UBE3D: variants seen among roughly 807,000 people sequenced by gnomAD.
UBE3D encodes E3 ubiquitin-protein ligase E3D.
UBE3D carries 48 observed loss-of-function variants against 49.6 expected under a neutral mutation model. That is an observed-to-expected ratio of 0.97 (90% CI 0.77 to 1.23). The LOEUF is 1.23. Ranked by LOEUF, UBE3D falls within the 50% of genes most tolerant of loss-of-function variation. The pLI is 0.00. For missense variants in UBE3D, 452 were observed against 468.4 expected, an observed-to-expected ratio of 0.96 and a Z score of 0.32; for synonymous variants, 189 against 174.2, an observed-to-expected ratio of 1.08 and a Z score of -0.67.
At chr6:82,887,602 G>A (rs1486889661), downstream of UBE3D, among the ~76,000 whole-genome samples, 2 of 151,302 alleles carry the variant, frequency 1.3e-5, no homozygotes, top group South Asian at 2.1e-4. Flanking sequence ...CCAGCTACTC[G>A]GGAGGCTGAG....
intron 1 of UBE3D, 71 bp downstream of exon 1, chr6:83,065,571 A>G: frequency 7.0e-7 from 1 of 1,433,682 alleles, no homozygotes; most frequent in Non-Finnish European, 9.7e-7. Context: ...ACAGAGAGAG[A>G]CTCACCAGCC....
intron 9 of UBE3D, among the ~76,000 whole-genome samples, chr6:82,910,024 C>T (rs1408665216): frequency 6.6e-6 from 1 of 152,184 alleles, no homozygotes; most frequent in African/African-American, 2.4e-5. Flanking sequence ...ATCGATTAAA[C>T]ACTTGAATTT....
At chr6:82,993,912 T>A (rs1312002001) in intron 8 of UBE3D, among the ~76,000 whole-genome samples, 1 of 152,244 alleles carries the variant, frequency 6.6e-6, no homozygotes, top group African/African-American at 2.4e-5. Context: ...ACACATTGTA[T>A]GTTTGCCAAT....
At position 82,976,397 on chromosome 6, in the gene UBE3D, C is replaced by T. The variant is rs183280061; in HGVS notation, c.1011-18947G>A. On this transcript the variant is annotated intron_variant, in intron 8 of 9. Coordinates refer to ENST00000369747, the MANE Select transcript of UBE3D (RefSeq NM_198920.3). The stretch of plus-strand genomic sequence containing the variant: ...TTCCTGACAGTGGCTAGCAACTCAA[C>T]TGTTAAAACAGCTGCTCATGCTGAA... Among the ~76,000 whole-genome samples the T allele has an allele frequency of 2.3e-3, 350 of 152,310 alleles. 2 individuals are homozygous for T. Among genetic ancestry groups the T allele is most frequent in the Non-Finnish European group, 3.9e-3 (268 of 68,032 alleles).
intron 8 of UBE3D, among the ~76,000 whole-genome samples, chr6:83,014,184 A>C (rs1426677586): frequency 6.6e-6 from 1 of 152,226 alleles, no homozygotes; most frequent in East Asian, 1.9e-4. Flanking sequence ...GTCGTTCTCT[A>C]AGATCCATCT....
intron 3 of UBE3D, among the ~76,000 whole-genome samples, chr6:83,049,500 G>A (rs2127832113): frequency 6.6e-6 from 1 of 152,294 alleles, no homozygotes. Flanking sequence ...GTTGGTGACT[G>A]TACTCTTTTT....
At chr6:83,054,382 G>T in intron 2 of UBE3D, 144 bp from the exon 3 acceptor site, 1 of 624,282 alleles carries the variant, frequency 1.6e-6, no homozygotes, top group South Asian at 1.9e-5. Flanking sequence ...AATACTATCT[G>T]ATGACTCAAG....
At chr6:82,997,166 C>T (rs1779300492) in intron 8 of UBE3D, among the ~76,000 whole-genome samples, 1 of 152,144 alleles carries the variant, frequency 6.6e-6, no homozygotes, top group Non-Finnish European at 1.5e-5. Flanking sequence ...CCAAGAACAA[C>T]ACCACCACTT....
intron 9 of UBE3D, among the ~76,000 whole-genome samples, 180 bp downstream of exon 9, chr6:82,957,132 A>AAAACAAACAAACAAAC (rs534791837): frequency 6.6e-6 from 1 of 152,130 alleles, no homozygotes; most frequent in Non-Finnish European, 1.5e-5. Context: ...CTGCCTCCAA[A>AAAACAAACAAACAAAC]AAACAAACAA....
chr6:82,986,870 ATAAAT>A (rs1309496721), intron 8 of UBE3D, among the ~76,000 whole-genome samples: 6 of 148,998 alleles, frequency 4.0e-5, no homozygotes. Flanking sequence ...TTTATATATA[ATAAAT>A]TAATTATATT....
intron 8 of UBE3D, among the ~76,000 whole-genome samples, chr6:82,966,988 T>A (rs1451328093): frequency 6.6e-6 from 1 of 152,194 alleles, no homozygotes; most frequent in African/African-American, 2.4e-5. Flanking sequence ...GTTCACCACC[T>A]TAAAAATATT....
intron 9 of UBE3D, among the ~76,000 whole-genome samples, chr6:82,948,485 A>G (rs1775559915): frequency 6.6e-6 from 1 of 152,028 alleles, no homozygotes; most frequent in Non-Finnish European, 1.5e-5. Context: ...GAAAATAGAG[A>G]ATGGAATACC....
At position 83,025,408 on chromosome 6, in the gene UBE3D, C is replaced by T. The variant is rs540414653; in HGVS notation, c.668-1370G>A. The stretch of plus-strand genomic sequence containing the variant: ...CTAAGAAAAAGTTTAATCTCACTAA[C>T]GATGAAGAAAATGTACATCAAAATA... On this transcript the variant is annotated intron_variant, in intron 5 of 9. Coordinates refer to ENST00000369747, the MANE Select transcript of UBE3D (RefSeq NM_198920.3). Among the ~76,000 whole-genome samples, 4 of 149,816 alleles carry T rather than the reference C, an allele frequency of 2.7e-5. 1 individual carries two copies. Among genetic ancestry groups the T allele is most frequent in the South Asian group, 4.2e-4 (2 of 4,744 alleles).
intron 9 of UBE3D, 146 bp from the exon 10 acceptor site, chr6:82,893,188 C>A: frequency 1.7e-5 from 15 of 870,266 alleles, no homozygotes; most frequent in East Asian, 2.8e-5. Context: ...TGGATCTAGA[C>A]ATTTTATTTT....
intron 9 of UBE3D, among the ~76,000 whole-genome samples, chr6:82,913,061 T>A (rs1772642581): frequency 6.6e-6 from 1 of 152,212 alleles, no homozygotes; most frequent in Non-Finnish European, 1.5e-5. Context: ...GGCTATGCAA[T>A]CCAGTGGGGA....
At chr6:82,927,759 T>C (rs1251257397) in intron 9 of UBE3D, among the ~76,000 whole-genome samples, 1 of 151,762 alleles carries the variant, frequency 6.6e-6, no homozygotes, top group East Asian at 1.9e-4. Flanking sequence ...GGAGGGTTTT[T>C]TTTTTTTTAA....
At chr6:83,009,231 C>T (rs1455172846) in intron 8 of UBE3D, among the ~76,000 whole-genome samples, 1 of 152,138 alleles carries the variant, frequency 6.6e-6, no homozygotes, top group Non-Finnish European at 1.5e-5. Context: ...TGCTAGTATA[C>T]CCTGTGAGTT....
At chr6:83,060,111 C>G (rs147447723) in intron 1 of UBE3D, among the ~76,000 whole-genome samples, 1 of 152,156 alleles carries the variant, frequency 6.6e-6, no homozygotes, top group Admixed American at 6.5e-5. Flanking sequence ...CTCCCAAAGC[C>G]CCATCTCCTA....
At chr6:82,928,196 A>T (rs1773896508) in intron 9 of UBE3D, among the ~76,000 whole-genome samples, 1 of 152,002 alleles carries the variant, frequency 6.6e-6, no homozygotes, top group African/African-American at 2.4e-5. Flanking sequence ...CTGTGAACCT[A>T]AAACTGCTAC....
Sources: allele counts gnomAD v4.1 joint callset (sites outside exome capture counted in the v4.1 genomes callset), GRCh38; gene constraint gnomAD v4.1.1; transcripts MANE v1.5; gene names NCBI Gene and HGNC (gene_info 2026-07-23, HGNC 2026-07-21).